Variants in SEMA3A observed in about 807,000 individuals in gnomAD.
SEMA3A encodes semaphorin 3A, also known as semaphorin-3A.
SEMA3A carries 29 observed loss-of-function variants against 97.9 expected under a neutral mutation model. That is an observed-to-expected ratio of 0.30 (90% CI 0.22 to 0.40). The LOEUF is 0.40. Among genes scored for constraint, SEMA3A ranks in the 10% least tolerant of loss-of-function variants. The pLI, the probability that SEMA3A is intolerant of heterozygous loss-of-function variation, is 1.00. For synonymous variants in SEMA3A, 321 were observed against 323.7 expected, an observed-to-expected ratio of 0.99 and a Z score of 0.09; for missense variants, 763 against 951.3, an observed-to-expected ratio of 0.80 and a Z score of 2.60.
intron 3 of SEMA3A, among the ~76,000 whole-genome samples, chr7:84,205,902 C>T (rs925727645): frequency 1.3e-5 from 2 of 152,122 alleles, no homozygotes; most frequent in Non-Finnish European, 2.9e-5. Flanking sequence ...GAAAGTGGTT[C>T]GAATGTCACT....
intron 3 of SEMA3A, among the ~76,000 whole-genome samples, chr7:84,248,243 T>C (rs1429844201): frequency 1.3e-5 from 2 of 152,216 alleles, no homozygotes; most frequent in Non-Finnish European, 2.9e-5. Flanking sequence ...TTCAAATAAC[T>C]TTTAGCTTGT....
chr7:84,045,084 C>T (rs920396190), intron 6 of SEMA3A, among the ~76,000 whole-genome samples: 1 of 151,932 alleles, frequency 6.6e-6, no homozygotes, highest in Non-Finnish European at 1.5e-5. Context: ...AAGGTTGTCA[C>T]ACAACTCATG....
chr7:84,389,827 G>GT (rs1209048286), intron 1 of SEMA3A, among the ~76,000 whole-genome samples: 3 of 152,078 alleles, frequency 2.0e-5, no homozygotes, highest in Non-Finnish European at 4.4e-5. Context: ...GAATGAAGGA[G>GT]TGTTTACGTT....
intron 2 of SEMA3A, among the ~76,000 whole-genome samples, chr7:84,315,736 C>CTT (rs1584232815): frequency 6.6e-6 from 1 of 152,040 alleles, no homozygotes; most frequent in East Asian, 1.9e-4. Context: ...AAATTTTATG[C>CTT]AAAAACTTAT....
At chr7:84,384,861 G>A (rs1198363875) in intron 1 of SEMA3A, among the ~76,000 whole-genome samples, 1 of 152,104 alleles carries the variant, frequency 6.6e-6, no homozygotes, top group Non-Finnish European at 1.5e-5. Flanking sequence ...GAAAATTGCA[G>A]ATGAAACAGT....
chr7:84,267,314 T>C (rs908557638), intron 3 of SEMA3A, among the ~76,000 whole-genome samples: 1 of 152,128 alleles, frequency 6.6e-6, no homozygotes, highest in African/African-American at 2.4e-5. Flanking sequence ...ATGACTCTCT[T>C]ACCCTTATCC....
chr7:84,016,195 A>AAG (rs1188411617), intron 6 of SEMA3A, among the ~76,000 whole-genome samples: 8 of 150,238 alleles, frequency 5.3e-5, no homozygotes, highest in African/African-American at 1.7e-4. Flanking sequence ...CACATTGGTA[A>AAG]AGTTAGGCTC....
intron 6 of SEMA3A, among the ~76,000 whole-genome samples, chr7:84,038,870 T>G (rs1015339050): frequency 6.6e-6 from 1 of 152,196 alleles, no homozygotes; most frequent in African/African-American, 2.4e-5. Context: ...TTTCATTGTT[T>G]CATCTTCTAA....
intron 4 of SEMA3A, among the ~76,000 whole-genome samples, chr7:84,087,402 C>T (rs34197825): frequency 0.41 from 62,829 of 152,034 alleles, 14,858 homozygotes; most frequent in Non-Finnish European, 0.52. Context: ...ATTTCTACAG[C>T]ATTTGTTGTG....
At chr7:84,280,654 CACACCTGT>C (rs1295353169) in intron 3 of SEMA3A, among the ~76,000 whole-genome samples, 3 of 151,984 alleles carry the variant, frequency 2.0e-5, no homozygotes, top group African/African-American at 7.2e-5. Context: ...CATAGTGGTG[CACACCTGT>C]AATCCTAGGT....
At chr7:84,118,862 T>A (rs1381093249) in intron 3 of SEMA3A, among the ~76,000 whole-genome samples, 1 of 151,948 alleles carries the variant, frequency 6.6e-6, no homozygotes, top group Non-Finnish European at 1.5e-5. Context: ...CTCATGATTG[T>A]ATAAGGTCTA....
intron 5 of SEMA3A, among the ~76,000 whole-genome samples, chr7:84,054,964 T>C (rs992128635): frequency 6.6e-5 from 10 of 152,116 alleles, no homozygotes; most frequent in Admixed American, 2.0e-4. Flanking sequence ...TACCCTGCCA[T>C]GTGAGGTGTC....
intron 3 of SEMA3A, among the ~76,000 whole-genome samples, chr7:84,227,282 C>A (rs909559737): frequency 6.6e-6 from 1 of 151,898 alleles, no homozygotes; most frequent in Non-Finnish European, 1.5e-5. Flanking sequence ...TTTCTTGAGA[C>A]AGATTAAAGA....
intron 1 of SEMA3A, among the ~76,000 whole-genome samples, chr7:84,402,474 T>A (rs1346933845): frequency 6.6e-6 from 1 of 152,164 alleles, no homozygotes; most frequent in Non-Finnish European, 1.5e-5. Context: ...TACCATATAA[T>A]TCATGAATCC....
chr7:84,401,591 T>C (rs1179700233), intron 1 of SEMA3A, among the ~76,000 whole-genome samples: 1 of 151,794 alleles, frequency 6.6e-6, no homozygotes, highest in African/African-American at 2.4e-5. Flanking sequence ...GGGCATCACT[T>C]CACCTGACTT....
At chr7:84,457,711 T>G in intron 1 of SEMA3A, among the ~76,000 whole-genome samples, 1 of 151,998 alleles carries the variant, frequency 6.6e-6, no homozygotes. Context: ...TGAAGTGTTC[T>G]GACTTGAAAA....
At chr7:84,302,965 G>C (rs1433308187) in intron 3 of SEMA3A, among the ~76,000 whole-genome samples, 1 of 151,964 alleles carries the variant, frequency 6.6e-6, no homozygotes, top group African/African-American at 2.4e-5. Context: ...CAAAGAAAAA[G>C]AAAAAGAAAA....
intron 9 of SEMA3A, among the ~76,000 whole-genome samples, chr7:84,009,179 C>A (rs1790782307): frequency 6.6e-6 from 1 of 152,158 alleles, no homozygotes. Context: ...GAGGCAAGGC[C>A]TAGGAATCTG....
intron 3 of SEMA3A, among the ~76,000 whole-genome samples, chr7:84,289,926 T>C (rs1279491591): frequency 6.6e-6 from 1 of 152,174 alleles, no homozygotes; most frequent in Non-Finnish European, 1.5e-5. Flanking sequence ...AATGGGATAT[T>C]ATTTGGCAAT....
Sources: allele counts gnomAD v4.1 joint callset (sites outside exome capture counted in the v4.1 genomes callset), GRCh38; gene constraint gnomAD v4.1.1; transcripts MANE v1.5; gene names NCBI Gene and HGNC (gene_info 2026-07-23, HGNC 2026-07-21).